The following PRKCH variants were observed in gnomAD, a reference collection of about 807,000 sequenced individuals.
PRKCH encodes protein kinase C eta type.
A neutral mutation model predicts 82.5 loss-of-function variants in PRKCH; 28 were observed. The observed-to-expected ratio is 0.34, with a 90% confidence interval of 0.25 to 0.47. PRKCH has a LOEUF of 0.47. Ranked by LOEUF, PRKCH falls within the 20% of genes least tolerant of loss-of-function variation. The pLI, the probability that PRKCH is intolerant of heterozygous loss-of-function variation, is 1.00. For synonymous variants in PRKCH, 322 were observed against 327.4 expected, an observed-to-expected ratio of 0.98 and a Z score of 0.18; for missense variants, 705 against 881.8, an observed-to-expected ratio of 0.80 and a Z score of 2.54.
intron 2 of PRKCH, among the ~76,000 whole-genome samples, chr14:61,435,571 T>A (rs1247296295): frequency 6.6e-6 from 1 of 152,096 alleles, no homozygotes; most frequent in East Asian, 1.9e-4. Context: ...CCAGGCACAG[T>A]GGTATGCACC....
intron 1 of PRKCH, among the ~76,000 whole-genome samples, chr14:61,234,859 G>A (rs1228127410): frequency 6.6e-6 from 1 of 152,214 alleles, no homozygotes; most frequent in African/African-American, 2.4e-5. Context: ...TATGTTCAGG[G>A]CCATCCCATC....
At chr14:61,193,944 A>T (rs1235462213) in intron 1 of PRKCH, among the ~76,000 whole-genome samples, 1 of 152,146 alleles carries the variant, frequency 6.6e-6, no homozygotes, top group African/African-American at 2.4e-5. Context: ...TGCTTTTCTG[A>T]AATTAGTGCT....
chr14:61,338,129 T>A lies in PRKCH; in HGVS notation c.363+15665T>A, dbSNP rs1339554424. Among the ~76,000 whole-genome samples the A allele has an allele frequency of 1.2e-4, 19 of 152,196 alleles. 1 individual carries two copies. Among genetic ancestry groups the A allele is most frequent in the Non-Finnish European group, 2.4e-4 (16 of 68,028 alleles). On this transcript the variant is annotated intron_variant, in intron 1 of 13. Transcript: ENST00000332981. ...GGGTGTCTGCCCTCACCTTGGCCAC[T>A]GATCTGCTTTCAGCCCTGAAGTACT...
chr14:61,425,180 C>A (rs1001118678), intron 2 of PRKCH, among the ~76,000 whole-genome samples: 2 of 152,186 alleles, frequency 1.3e-5, no homozygotes, highest in Non-Finnish European at 2.9e-5. Flanking sequence ...GAGACCCCAC[C>A]GTGGCACTGC....
intron 1 of PRKCH, among the ~76,000 whole-genome samples, chr14:61,271,680 A>C (rs1206629648): frequency 6.6e-6 from 1 of 152,154 alleles, no homozygotes; most frequent in Non-Finnish European, 1.5e-5. Context: ...CACCTACTTC[A>C]TAGGATTGTT....
chr14:61,522,550 C>T (rs951393937), intron 10 of PRKCH, among the ~76,000 whole-genome samples: 2 of 152,208 alleles, frequency 1.3e-5, no homozygotes, highest in African/African-American at 4.8e-5. Flanking sequence ...CCCTCACTTT[C>T]CCTTCTTTCT....
chr14:61,347,990 C>G (rs1222525923), intron 1 of PRKCH: 2 of 152,484 alleles, frequency 1.3e-5, no homozygotes, highest in African/African-American at 2.4e-5. Context: ...CAAGCTGATT[C>G]TTCTGGGTGC....
chr14:61,294,690 G>A (rs944959530), intron 1 of PRKCH, among the ~76,000 whole-genome samples: 4 of 151,764 alleles, frequency 2.6e-5, no homozygotes, highest in Admixed American at 6.6e-5. Context: ...ACTGAAGACC[G>A]AATAAAAAGT....
In PRKCH at chr14:61,488,973, T is replaced by C. The variant is rs537467975; in HGVS notation, c.1433+3317T>C. Among the ~76,000 whole-genome samples, 12 of 152,336 alleles carry C rather than the reference T, an allele frequency of 7.9e-5. No homozygotes were observed. In the East Asian group the frequency reaches 2.3e-3, roughly 29 times the overall value. On this transcript the variant is annotated intron_variant, in intron 10 of 13. Coordinates refer to ENST00000332981, the MANE Select transcript of PRKCH (RefSeq NM_006255.5). The stretch of plus-strand genomic sequence containing the variant: ...TTGAAGGGAACACAGTTAATTAGGA[T>C]AGATTCAAATGCTATTTTTATCCCT...
chr14:61,472,615 G>A (rs1019636418), intron 9 of PRKCH, among the ~76,000 whole-genome samples: 15 of 152,126 alleles, frequency 9.9e-5, no homozygotes, highest in Non-Finnish European at 1.6e-4. Context: ...GCTTGAGCCC[G>A]GGAGGTTGAG....
At position 61,500,413 on chromosome 14, in the gene PRKCH, G is replaced by A. The variant is rs149062574; in HGVS notation, c.1433+14757G>A. On this transcript the variant is annotated intron_variant, in intron 10 of 13. Coordinates refer to ENST00000332981, the MANE Select transcript of PRKCH (RefSeq NM_006255.5). The stretch of plus-strand genomic sequence containing the variant: ...GGGTCTCGCTATGTTGCCCAGGCTG[G>A]TCTCAAACTCCTGGGCTCAAGCAAC... Among the ~76,000 whole-genome samples, 9 of 152,052 alleles carry A rather than the reference G, an allele frequency of 5.9e-5. No homozygotes were observed. The East Asian group carries it at 1.5e-3, about 26-fold the overall frequency.
rs150454101 is a variant in PRKCH, at chr14:61,533,072, G to T, written c.1761+2477G>T. Among the ~76,000 whole-genome samples the T allele has an allele frequency of 4.0e-3, 611 of 152,320 alleles. 7 individuals are homozygous for T. Among genetic ancestry groups the T allele is most frequent in the African/African-American group, 0.014 (583 of 41,564 alleles). Reference sequence around the variant, plus strand: ...CTCCCAGTCCTGTTACCTTCTGGCTGAGTGGCCTTGGTGAGCCTCTGTGCC... The same window carrying T: ...CTCCCAGTCCTGTTACCTTCTGGCTTAGTGGCCTTGGTGAGCCTCTGTGCC... On this transcript the variant is annotated intron_variant, in intron 12 of 13. Transcript: ENST00000332981.
chr14:61,218,669 C>T (rs190215514), intron 1 of PRKCH, among the ~76,000 whole-genome samples: 3 of 152,236 alleles, frequency 2.0e-5, no homozygotes, highest in African/African-American at 7.2e-5. Flanking sequence ...TTAGTTGAAC[C>T]TTGGCTTTTG....
intron 1 of PRKCH, among the ~76,000 whole-genome samples, chr14:61,271,839 C>T (rs1594884236): frequency 6.6e-6 from 1 of 152,208 alleles, no homozygotes; most frequent in Admixed American, 6.5e-5. Context: ...CCTGGCTGTC[C>T]CCAACCAGCT....
chr14:61,542,784 A>G (rs117954530), intron 12 of PRKCH, among the ~76,000 whole-genome samples: 70 of 152,344 alleles, frequency 4.6e-4, no homozygotes, highest in Non-Finnish European at 8.2e-4. Flanking sequence ...TAAGCAAATA[A>G]TGGAAGTATT....
At chr14:61,293,512 G>A (rs987107385) in intron 1 of PRKCH, among the ~76,000 whole-genome samples, 3 of 152,168 alleles carry the variant, frequency 2.0e-5, no homozygotes, top group African/African-American at 7.2e-5. Flanking sequence ...AAATGACAGC[G>A]TTTCTTCTGT....
Position 61,321,843 on chromosome 14 carries a change from A to C in PRKCH, c.-259A>C. ...CCCCGGGAGGCGCCGCGCGCTTGGA[A>C]GGGACGGTCGGGCTTCCCCGGCCCG... On this transcript the variant is annotated 5_prime_UTR_variant, in exon 1 of 14. Transcript: ENST00000332981. The surrounding 1 kb of genome is among the most constrained non-coding windows in gnomAD (Gnocchi z 4.1). 5 of 368,636 alleles carry C rather than the reference A, an allele frequency of 1.4e-5. No individual in the cohort carries two copies. Among genetic ancestry groups the C allele is most frequent in the Non-Finnish European group, 2.5e-5 (5 of 199,346 alleles). 22.8% of individuals were successfully genotyped at this position (368,636 alleles called of 1,614,324 possible). A position where few individuals can be genotyped will look rare whatever the true frequency, so the allele number is the denominator to read the frequency against.
At chr14:61,418,711 C>A (rs985523912) in intron 2 of PRKCH, among the ~76,000 whole-genome samples, 1 of 152,112 alleles carries the variant, frequency 6.6e-6, no homozygotes, top group Non-Finnish European at 1.5e-5. Context: ...ATAGATAGTT[C>A]AACAGCAATG....
chr14:61,484,764 CTTTTTTTTT>C (rs375542490), intron 9 of PRKCH, among the ~76,000 whole-genome samples: 10 of 121,206 alleles, frequency 8.3e-5, no homozygotes, highest in African/African-American at 3.2e-4. Context: ...ATTTGGCTTC[CTTTTTTTTT>C]TTTTTTTTTT....
Sources: gnomAD v4.1 joint callset for allele counts (sites outside exome capture counted in the v4.1 genomes callset) on GRCh38, gnomAD v4.1.1 for gene constraint, Gnocchi (gnomAD v3.1) non-coding constraint, MANE v1.5 for transcripts, NCBI Gene and HGNC (gene_info 2026-07-23, HGNC 2026-07-21) for gene names.